Variants in CELF4 observed in about 807,000 individuals in gnomAD.
CELF4 encodes the protein CUG-BP- and ETR-3-like factor 4.
In CELF4, 18 loss-of-function variants were observed where a neutral mutation model predicts 59.9. The ratio of observed to expected loss-of-function variants is 0.30; its 90% confidence interval spans 0.21 to 0.45. The LOEUF (loss-of-function observed/expected upper bound fraction) is 0.45. Among genes scored for constraint, CELF4 ranks in the 20% least tolerant of loss-of-function variants. CELF4 has a pLI of 1.00. For missense variants in CELF4, 456 were observed against 689.0 expected (o/e 0.66, Z 3.79); for synonymous variants, 261 against 267.1 (o/e 0.98, Z 0.22).
At chr18:37,311,478 A>G (rs1423574525) in intron 3 of CELF4, among the ~76,000 whole-genome samples, 1 of 152,210 alleles carries the variant, frequency 6.6e-6, no homozygotes, top group African/African-American at 2.4e-5. Context: ...AAGAAAGGAG[A>G]TAAAGATTCT....
intron 1 of CELF4, among the ~76,000 whole-genome samples, chr18:37,512,282 T>C (rs1329114281): frequency 1.3e-5 from 2 of 152,220 alleles, no homozygotes; most frequent in African/African-American, 2.4e-5. Context: ...GTGCTGAGCG[T>C]GATGGGGCCG....
At chr18:37,315,775 G>A (rs2096847354) in intron 3 of CELF4, among the ~76,000 whole-genome samples, 1 of 152,170 alleles carries the variant, frequency 6.6e-6, no homozygotes, top group Non-Finnish European at 1.5e-5. Flanking sequence ...TGCTATACCT[G>A]ACCCAGGTAT....
At position 37,544,315 on chromosome 18, in the gene CELF4, C is replaced by T. The variant is rs116818272; in HGVS notation, c.286+21041G>A. Among the ~76,000 whole-genome samples the T allele has an allele frequency of 3.1e-3, 476 of 152,248 alleles. 5 individuals carry two copies. The highest frequency in any genetic ancestry group is 0.011 in the African/African-American group (453 of 41,538). ...CGTTTGCTAGACAGGGAGATTGAGG[C>T]CGACCAGTAGGTAAAGGGATTTGTC... On this transcript the variant is annotated intron_variant, in intron 1 of 12. Transcript: ENST00000420428.
At chr18:37,503,337 G>T (rs2099933959) in intron 1 of CELF4, among the ~76,000 whole-genome samples, 1 of 152,196 alleles carries the variant, frequency 6.6e-6, no homozygotes, top group African/African-American at 2.4e-5. Context: ...GTTTACCAAG[G>T]TTGAGGGCAG....
At chr18:37,364,638 G>C (rs1273827494) in intron 2 of CELF4, among the ~76,000 whole-genome samples, 1 of 152,200 alleles carries the variant, frequency 6.6e-6, no homozygotes, top group Non-Finnish European at 1.5e-5. Context: ...CCAGGTGTCT[G>C]CTCAGTCCAT....
chr18:37,289,913 GT>G (rs1428598203), intron 3 of CELF4, among the ~76,000 whole-genome samples: 2 of 152,342 alleles, frequency 1.3e-5, no homozygotes, highest in Admixed American at 1.3e-4. Context: ...CTTCAGGGAA[GT>G]TTTTGAAATG....
intron 2 of CELF4, among the ~76,000 whole-genome samples, chr18:37,477,750 C>T (rs1466862395): frequency 6.6e-6 from 1 of 152,226 alleles, no homozygotes; most frequent in African/African-American, 2.4e-5. Flanking sequence ...CCTTCTGCAA[C>T]AGGCCGTGTC....
intron 8 of CELF4, among the ~76,000 whole-genome samples, chr18:37,268,536 A>G (rs542614357): frequency 4.7e-4 from 71 of 152,358 alleles, no homozygotes; most frequent in Admixed American, 4.6e-4. Context: ...GGCAGCTGCC[A>G]GCACAGTGCC....
At chr18:37,565,237 C>T (rs2099987870) in intron 1 of CELF4, 119 bp downstream of exon 1, 2 of 1,195,392 alleles carry the variant, frequency 1.7e-6, no homozygotes, top group Non-Finnish European at 2.3e-6. Flanking sequence ...CCTCCCTCCA[C>T]CGCGCCCGCC....
chr18:37,433,292 G>T (rs929619167), intron 2 of CELF4, among the ~76,000 whole-genome samples: 8 of 152,142 alleles, frequency 5.3e-5, no homozygotes. Flanking sequence ...GGAAGGAGCT[G>T]TTTCAGACCT....
At chr18:37,374,281 AC>A (rs1222824788) in intron 2 of CELF4, among the ~76,000 whole-genome samples, 1 of 152,228 alleles carries the variant, frequency 6.6e-6, no homozygotes, top group Non-Finnish European at 1.5e-5. Flanking sequence ...TGAGCCCTGC[AC>A]CCAGCGAGTT....
At chr18:37,325,724 C>G (rs894992042) in intron 2 of CELF4, among the ~76,000 whole-genome samples, 3 of 152,238 alleles carry the variant, frequency 2.0e-5, no homozygotes, top group African/African-American at 7.2e-5. Context: ...CAGCTGCCTT[C>G]AGCCATGGGC....
At chr18:37,473,720 C>G (rs1222771321) in intron 2 of CELF4, 1 of 152,346 alleles carries the variant, frequency 6.6e-6, no homozygotes, top group Non-Finnish European at 1.5e-5. Flanking sequence ...GGGGTGGCTG[C>G]TGCTCCAGCC....
At chr18:37,333,469 A>G (rs1029674437) in intron 2 of CELF4, among the ~76,000 whole-genome samples, 1 of 151,660 alleles carries the variant, frequency 6.6e-6, no homozygotes, top group African/African-American at 2.4e-5. Flanking sequence ...AATACCTAAC[A>G]TTTGACTTTT....
At chr18:37,348,975 A>G (rs545543090) in intron 2 of CELF4, among the ~76,000 whole-genome samples, 65 of 152,182 alleles carry the variant, frequency 4.3e-4, no homozygotes, top group Admixed American at 1.8e-3. Context: ...AGGCTGATCA[A>G]ACTGGCCCCT....
chr18:37,407,964 A>G (rs899311136), intron 2 of CELF4, among the ~76,000 whole-genome samples: 3 of 152,026 alleles, frequency 2.0e-5, no homozygotes, highest in South Asian at 2.1e-4. Context: ...TGATTTTGGG[A>G]AAAAAAAGGA....
chr18:37,433,352 C>T (rs535777065), intron 2 of CELF4, among the ~76,000 whole-genome samples: 3 of 152,080 alleles, frequency 2.0e-5, no homozygotes, highest in Non-Finnish European at 4.4e-5. Flanking sequence ...TGTCCCATGC[C>T]CTGCTCTTGC....
rs1260338253 is a variant in CELF4, at chr18:37,373,163, G to A, written c.370-51282C>T. Among the ~76,000 whole-genome samples the A allele has an allele frequency of 2.6e-5, 4 of 152,348 alleles. No individual in the cohort carries two copies. The East Asian group carries it at 7.7e-4, about 29-fold the overall frequency. ...CCTGGTGAGTGGTGGCAGAGCTGGGGCCACTGACTCTACTCTCTGTTGCAT... is the reference window on the plus strand; with the variant it reads ...CCTGGTGAGTGGTGGCAGAGCTGGGACCACTGACTCTACTCTCTGTTGCAT... On this transcript the variant is annotated intron_variant, in intron 2 of 12. Coordinates refer to ENST00000420428, the MANE Select transcript of CELF4 (RefSeq NM_020180.4).
chr18:37,369,162 C>T (rs560631448), intron 2 of CELF4, among the ~76,000 whole-genome samples: 1 of 152,274 alleles, frequency 6.6e-6, no homozygotes, highest in South Asian at 2.1e-4. Flanking sequence ...TTTTCCTTTC[C>T]GTATCTGCAG....
Sources: allele counts gnomAD v4.1 joint callset (sites outside exome capture counted in the v4.1 genomes callset), GRCh38; gene constraint gnomAD v4.1.1; transcripts MANE v1.5; gene names NCBI Gene and HGNC (gene_info 2026-07-23, HGNC 2026-07-21).